DSG1: variants seen among roughly 807,000 people sequenced by gnomAD.
The protein encoded by DSG1 is desmoglein 1.
In DSG1, 39 loss-of-function variants were observed where a neutral mutation model predicts 97.5. The ratio of observed to expected loss-of-function variants is 0.40; its 90% CI spans 0.31 to 0.52. The LOEUF is 0.52. DSG1 is among the 20% of genes least tolerant of loss of function. The probability of loss-of-function intolerance (pLI) is 0.53; values close to 1 mark genes in which losing one functional copy is unlikely to be tolerated. For missense variants in DSG1, 1,311 were observed against 1,295.4 expected (o/e 1.01, Z -0.18); for synonymous variants, 475 against 443.4 (o/e 1.07, Z -0.90).
rs2071737843 is a variant in DSG1 at position 31,334,152 on chromosome 18, G to A, written c.955G>A (p.Glu319Lys). Residue 319 changes from glutamate to lysine, a missense_variant, in exon 8 of 15, where the codon GAG becomes AAG. Physicochemically the swap from Glu to Lys is moderately conservative, Grantham distance 56. Coordinates refer to ENST00000257192, the MANE Select transcript of DSG1 (RefSeq NM_001942.4). ...CTCTGGAAATGAAGGAAATTGGTTT[G>A]AGATAGAAATGAATGAAAGAACAAA... is the stretch of plus-strand genomic sequence containing the variant. ...FISGNEGNWF[E>K]IEMNERTNVG... The A allele has an allele frequency of 6.2e-7, 1 of 1,609,194 alleles. No individual in the cohort carries two copies. The highest frequency in any genetic ancestry group is 8.5e-7 in the Non-Finnish European group (1 of 1,175,864).
rs200643856 is a variant in DSG1, at chr18:31,354,766, G to C, written c.2570G>C (p.Arg857Pro). ...CCCTCTGTGCACGTTCACGATAACCGACCAGCATCAAACGTGGTAGTGACA... is the reference window on the plus strand; with the variant it reads ...CCCTCTGTGCACGTTCACGATAACCCACCAGCATCAAACGTGGTAGTGACA... ...LKPSVHVHDN[R>P]PASNVVVTER... Residue 857 changes from arginine (R) to proline (P), a missense_variant, in exon 15 of 15, where the codon CGA becomes CCA. By Grantham distance (103) the Arg-to-Pro change is moderately radical. Transcript: ENST00000257192. 3 of 1,614,070 alleles carry C rather than the reference G, an allele frequency of 1.9e-6. No individual in the cohort carries two copies. The highest frequency in any genetic ancestry group is 2.5e-6 in the Non-Finnish European group (3 of 1,180,014).
chr18:31,347,571 T>G (rs2071850920), intron 14 of DSG1: 1 of 152,254 alleles, frequency 6.6e-6, no homozygotes. Flanking sequence ...AATGGCACAA[T>G]GAGTTGGTTT....
intron 12 of DSG1, 59 bp from the exon 13 acceptor site, chr18:31,343,867 T>A (rs1332030643): frequency 7.2e-7 from 1 of 1,397,970 alleles, no homozygotes; most frequent in Non-Finnish European, 1.0e-6. Flanking sequence ...AATGTATGAC[T>A]GCAGAAAGAT....
chr18:31,330,978 G>A (rs79856922), intron 5 of DSG1, among the ~76,000 whole-genome samples: 1 of 152,028 alleles, frequency 6.6e-6, no homozygotes, highest in African/African-American at 2.4e-5. Flanking sequence ...TATTTAAAAT[G>A]GAGTTGGAGA....
rs980608962 is a variant in DSG1, at chr18:31,356,030, A to G, written c.*684A>G. On this transcript the variant is annotated 3_prime_UTR_variant, in exon 15 of 15. Coordinates refer to ENST00000257192, the MANE Select transcript of DSG1 (RefSeq NM_001942.4). ...GAACCTTAATGTGGGGCCTCAGTTAAATCTCCTGTGGAGTCAAGGATTCTT... is the reference window on the plus strand; with the variant it reads ...GAACCTTAATGTGGGGCCTCAGTTAGATCTCCTGTGGAGTCAAGGATTCTT... The G allele has an allele frequency of 6.5e-6, 1 of 152,718 alleles. No homozygotes were observed. The highest frequency in any genetic ancestry group is 2.4e-5 in the African/African-American group (1 of 41,446). 9.5% of individuals were successfully genotyped at this position (152,718 alleles called of 1,614,324 possible). A position where few individuals can be genotyped will look rare whatever the true frequency, so the allele number is the denominator to read the frequency against.
rs570398614 is a variant in DSG1, at chr18:31,332,357, T to C, written c.684+490T>C. ...CAACAGAATTCTTGTTTTTCCTATG[T>C]AACATCTATTGATAGCTCACCCATT... On this transcript the variant is annotated intron_variant, in intron 6 of 14. Transcript: ENST00000257192. Among the ~76,000 whole-genome samples, 4 of 152,268 alleles carry C rather than the reference T, an allele frequency of 2.6e-5. No individual in the cohort carries two copies. The South Asian group carries it at 8.3e-4, about 32-fold the overall frequency.
chr18:31,320,346 G>A (rs528356694), intron 1 of DSG1, among the ~76,000 whole-genome samples: 4 of 152,198 alleles, frequency 2.6e-5, no homozygotes, highest in African/African-American at 9.6e-5. Flanking sequence ...GTCAATAAGC[G>A]GGAACCTGCA....
rs768142206 is a variant in DSG1 at position 31,346,038 on chromosome 18, G to A, written c.1940G>A (p.Gly647Glu). The change falls in exon 14 of 15, where the codon GGA becomes GAA. Residue 647 changes from glycine to glutamate, a missense_variant. This residue lies in a region of DSG1 where 1,038 missense variants were observed against 964.6 expected (regional missense o/e 1.08). Coordinates refer to ENST00000257192, the MANE Select transcript of DSG1 (RefSeq NM_001942.4). Reference protein sequence around the residue: ...YGGREMQDLGGGERMTGFELT... With the variant: ...YGGREMQDLGEGERMTGFELT... ...GGCAGAGAAATGCAAGATCTGGGAG[G>A]AGGAGAGAGAATGACAGGATTTGAA... 6.2e-7 allele frequency: 1 copy of A among 1,613,944 alleles called. No homozygotes were observed. Among genetic ancestry groups the A allele is most frequent in the Non-Finnish European group, 8.5e-7 (1 of 1,179,882 alleles).
rs59045214 is a variant in DSG1, at chr18:31,354,111, G to A, written c.2101-186G>A. On this transcript the variant is annotated intron_variant, in intron 14 of 14. Transcript: ENST00000257192. ...ATAGTATTAGAATTATACTTAAAAT[G>A]ATTTCTAACCAAATTATTTCAAATA... is the stretch of plus-strand genomic sequence containing the variant. 8,227 of 604,170 alleles carry A rather than the reference G, an allele frequency of 0.014. 545 individuals are homozygous for A. In the African/African-American group the frequency reaches 0.14, roughly 10 times the overall value. The allele number at this position is 604,170 out of a possible 1,614,324, so 37.4% of individuals were successfully genotyped here.
intron 13 of DSG1, 136 bp from the exon 14 acceptor site, chr18:31,345,854 T>C: frequency 1.5e-6 from 1 of 664,560 alleles, no homozygotes; most frequent in Non-Finnish European, 2.6e-6. Flanking sequence ...ATCTCCTTTC[T>C]TTATGTATTA....
In DSG1 at chr18:31,328,320, T is replaced by C; in HGVS notation, c.348T>C (p.Asp116=). Residue 116 remains aspartate, a synonymous_variant, in exon 4 of 15, where the codon GAT becomes GAC. Coordinates refer to ENST00000257192, the MANE Select transcript of DSG1 (RefSeq NM_001942.4). ...AAATTAATATAACATCCATAGTTGA[T>C]CGAGAGGTCACTCCTTTCTTCATTG... is the stretch of plus-strand genomic sequence containing the variant. ...TGEINITSIV[D]REVTPFFIIY... 1 of 1,613,292 alleles carries C rather than the reference T, an allele frequency of 6.2e-7. No homozygotes were observed. Among genetic ancestry groups the C allele is most frequent in the East Asian group, 2.2e-5 (1 of 44,846 alleles).
intron 3 of DSG1, among the ~76,000 whole-genome samples, chr18:31,327,668 T>C (rs2071694510): frequency 6.6e-6 from 1 of 152,324 alleles, no homozygotes; most frequent in Middle Eastern, 3.4e-3. Flanking sequence ...TTTCTGCTAA[T>C]ACACCCTTCC....
Position 31,355,061 on chromosome 18 carries a change from T to G in DSG1, c.2865T>G (p.Val955=). ...ACAATGTCATTGTGACAGAGAGGGT[T>G]GTTTCTGGTGCTGGCGTAACTGGAA... The part of the protein sequence containing the change: ...NAHNVIVTER[V]VSGAGVTGIS... Residue 955 remains valine, a synonymous_variant, in exon 15 of 15, where the codon GTT becomes GTG. Coordinates refer to ENST00000257192, the MANE Select transcript of DSG1 (RefSeq NM_001942.4). 6.2e-7 allele frequency: 1 copy of G among 1,614,172 alleles called. No homozygotes were observed. The highest frequency in any genetic ancestry group is 8.5e-7 in the Non-Finnish European group (1 of 1,180,030).
chr18:31,346,246 C>T (rs1438182721), intron 14 of DSG1, 48 bp downstream of exon 14: 2 of 1,468,498 alleles, frequency 1.4e-6, no homozygotes, highest in South Asian at 1.1e-5. Context: ...GTGCCTGCTG[C>T]TCTTCACCAA....
chr18:31,350,164 GT>G (rs1186366183), intron 14 of DSG1, among the ~76,000 whole-genome samples: 3 of 105,126 alleles, frequency 2.9e-5, no homozygotes, highest in Admixed American at 1.1e-4. Context: ...TTTATTGAGA[GT>G]TTTTAGCATG....
intron 4 of DSG1, among the ~76,000 whole-genome samples, chr18:31,329,538 AT>A (rs1378886412): frequency 1.3e-5 from 2 of 150,214 alleles, no homozygotes; most frequent in African/African-American, 2.4e-5. Flanking sequence ...TTACGTCTTT[AT>A]TTTTTTTTAG....
In DSG1 at chr18:31,333,657, G is replaced by A. The variant is rs772482149; in HGVS notation, c.753G>A (p.Ala251=). 29 of 1,613,692 alleles carry A rather than the reference G, an allele frequency of 1.8e-5. No individual in the cohort carries two copies. The highest frequency in any genetic ancestry group is 9.3e-5 in the African/African-American group (7 of 74,882). ...ATGGCGGGGCAGATGGCATGTCAGC[G>A]GAATGTGAGTGCAACATTAAAATCC... The part of the protein sequence containing the change: ...DRDGGADGMS[A]ECECNIKILD... Residue 251 remains alanine (A), a synonymous_variant, in exon 7 of 15, where the codon GCG becomes GCA. Transcript: ENST00000257192.
chr18:31,345,552 A>G (rs764025464), intron 13 of DSG1: 11 of 174,490 alleles, frequency 6.3e-5, no homozygotes, highest in Non-Finnish European at 1.2e-4. Flanking sequence ...CTTTCTCCTC[A>G]CATAGCCATG....
chr18:31,326,374 A>C (rs2071685871), intron 1 of DSG1, among the ~76,000 whole-genome samples: 1 of 152,102 alleles, frequency 6.6e-6, no homozygotes, highest in Non-Finnish European at 1.5e-5. Context: ...AATAAAAAGA[A>C]GAGTAAATTG....
Sources: gnomAD v4.1 joint callset for allele counts (sites outside exome capture counted in the v4.1 genomes callset) on GRCh38, gnomAD v4.1.1 for gene constraint, gnomAD v4.1.1 regional missense constraint, MANE v1.5 for transcripts, NCBI Gene and HGNC (gene_info 2026-07-23, HGNC 2026-07-21) for gene names.